TTN: variants seen among roughly 807,000 people sequenced by gnomAD.
TTN encodes the protein titin.
A neutral mutation model predicts 3,223.0 loss-of-function variants in TTN; 1,525 were observed. The ratio of observed to expected loss-of-function variants is 0.47; its 90% CI spans 0.45 to 0.49. The LOEUF (loss-of-function observed/expected upper bound fraction) is 0.49. Among genes scored for constraint, TTN ranks in the 20% least tolerant of loss-of-function variants. The probability of loss-of-function intolerance (pLI) is 0.00; values close to 1 mark genes in which losing one functional copy is unlikely to be tolerated. For synonymous variants in TTN, 14,094 were observed against 15,161.0 expected (o/e 0.93, Z 5.17); for missense variants, 40,786 against 43,424.0 (o/e 0.94, Z 5.40).
In TTN at chr2:178,712,178, C is replaced by A. The variant is rs746558975; in HGVS notation, c.27652G>T (p.Val9218Phe). ...VKQLEPVKVS[V>F]GDSASLQCQL... ...CATTGTAGAGAGGCAGAATCTCCAACAGACACCTTAACCGGCTCCAACTGC... is the reference window on the plus strand; with the variant it reads ...CATTGTAGAGAGGCAGAATCTCCAAAAGACACCTTAACCGGCTCCAACTGC... Residue 9218 changes from valine (V) to phenylalanine (F), a missense_variant, in exon 96 of 363, where the codon GTT (valine) becomes TTT (phenylalanine). Transcript: ENST00000589042. The A allele has an allele frequency of 2.9e-5, 46 of 1,613,642 alleles. No individual in the cohort carries two copies. The highest frequency in any genetic ancestry group is 3.3e-4 in the Middle Eastern group (2 of 6,080).
At position 178,702,439 on chromosome 2, in the gene TTN, T is replaced by A. The variant is rs371872220; in HGVS notation, c.30433+15A>T. 540 of 1,613,372 alleles carry A rather than the reference T, an allele frequency of 3.3e-4. No homozygotes were observed. The highest frequency in any genetic ancestry group is 4.3e-4 in the Non-Finnish European group (508 of 1,179,712). ...TTAAATTATACATTCACTGGAAAAC[T>A]GTCAATGAAATCACCTTCATCGTCT... On this transcript the variant is annotated intron_variant, in intron 107 of 362. Transcript: ENST00000589042.
In TTN at chr2:178,746,554, T is replaced by C. The variant is rs141372981; in HGVS notation, c.11312-4633A>G. ...CATGCTGATGTGTTACTGGAGGTGG[T>C]AGTGCCACCACTCTTTCTTCCTGGG... On this transcript the variant is annotated intron_variant, in intron 47 of 362. Transcript: ENST00000589042. 48 of 1,613,100 alleles carry C rather than the reference T, an allele frequency of 3.0e-5. No individual in the cohort carries two copies. In the African/African-American group the frequency reaches 5.7e-4, roughly 19 times the overall value.
chr2:178,582,623 T>C (rs568068190), intron 313 of TTN, 31 bp from the exon 314 acceptor site: 2 of 1,571,346 alleles, frequency 1.3e-6, no homozygotes, highest in Non-Finnish European at 1.7e-6. Flanking sequence ...AGTGAATATG[T>C]GGAATGGGGA....
intron 354 of TTN, 83 bp downstream of exon 354, chr2:178,538,457 A>G: frequency 7.5e-7 from 1 of 1,338,084 alleles, no homozygotes; most frequent in Non-Finnish European, 1.0e-6. Flanking sequence ...AAAGCTTTCC[A>G]GGGTTCTACT....
chr2:178,740,454 G>T lies in TTN; in HGVS notation c.12779C>A (p.Ala4260Glu). The change falls in exon 48 of 363, where the codon GCG (alanine) becomes GAG (glutamate). Residue 4260 changes from alanine (A) to glutamate (E), a missense_variant. By Grantham distance (107) the Ala-to-Glu change is moderately radical. Coordinates refer to ENST00000589042, the MANE Select transcript of TTN (RefSeq NM_001267550.2). ...VTLQKQEAQS[A>E]LILSQSLAEG... ...AGCTAAGCTCTGACTCAAGATGAGC[G>T]CACTTTGTGCCTCTTGCTTTTGAAG... 6.2e-7 allele frequency: 1 copy of T among 1,613,542 alleles called. No individual in the cohort carries two copies. The highest frequency in any genetic ancestry group is 8.5e-7 in the Non-Finnish European group (1 of 1,179,700).
At chr2:178,766,698 T>A in intron 40 of TTN, 86 bp from the exon 41 acceptor site, 1 of 1,043,478 alleles carries the variant, frequency 9.6e-7, no homozygotes, top group Non-Finnish European at 1.5e-6. Flanking sequence ...TTTCTAAAAC[T>A]GGTCAATGAA....
At position 178,573,313 on chromosome 2, in the gene TTN, G is replaced by A. The variant is rs575014550; in HGVS notation, c.72819C>T (p.Asn24273=). Reference sequence around the variant, plus strand: ...ATCTTAAATCAGTAAGAGTTTTTTTGTTGCATTTAATCCAGCGTTGGCCAG... The same window carrying A: ...ATCTTAAATCAGTAAGAGTTTTTTTATTGCATTTAATCCAGCGTTGGCCAG... ...DKAGQRWIKC[N]KKTLTDLRYK... The change falls in exon 326 of 363, where the codon AAC becomes AAT. Residue 24273 remains asparagine, a synonymous_variant. Coordinates refer to ENST00000589042, the MANE Select transcript of TTN (RefSeq NM_001267550.2). The A allele has an allele frequency of 7.0e-6, 11 of 1,572,024 alleles. No individual in the cohort carries two copies. In the South Asian group the frequency reaches 9.6e-5, roughly 14 times the overall value.
Position 178,694,659 on chromosome 2 carries a change from T to C in TTN, c.31366A>G (p.Lys10456Glu), listed in dbSNP as rs777212806. 6.4e-7 allele frequency: 1 copy of C among 1,554,828 alleles called. No homozygotes were observed. Among genetic ancestry groups the C allele is most frequent in the South Asian group, 1.2e-5 (1 of 83,362 alleles). ...CGGGAAGGTTTTTGTGGAACAATCT[T>C]CTTTGAAACTTCAGGTACTTTAAAA... ...QVTKVPEVSK[K>E]IVPQKPSRTP... Residue 10456 changes from lysine (K) to glutamate (E), a missense_variant, in exon 117 of 363, where the codon AAG becomes GAG. Lys to Glu is a moderately conservative substitution (Grantham distance 56, BLOSUM62 1). Coordinates refer to ENST00000589042, the MANE Select transcript of TTN (RefSeq NM_001267550.2).
At chr2:178,721,301 T>C in intron 78 of TTN, 99 bp from the exon 79 acceptor site, 1 of 1,070,064 alleles carries the variant, frequency 9.3e-7, no homozygotes. Flanking sequence ...ATATTTAAAC[T>C]GGTTTGTTAT....
rs576067412 is a variant in TTN at position 178,570,111 on chromosome 2, G to C, written c.76021C>G (p.Leu25341Val). Residue 25341 changes from leucine to valine, a missense_variant, in exon 326 of 363, where the codon CTT becomes GTT. By Grantham distance (32) the Leu-to-Val change is conservative. Coordinates refer to ENST00000589042, the MANE Select transcript of TTN (RefSeq NM_001267550.2). The part of the protein sequence containing the change: ...DGGSEILGYV[L>V]EKRDKEGIRW... ...ATGCCTTCTTTATCCCGTTTCTCAA[G>C]AACATATCCAAGAATTTCACTACCA... 1.2e-6 allele frequency: 2 copies of C among 1,613,364 alleles called. No homozygotes were observed. Among genetic ancestry groups the C allele is most frequent in the African/African-American group, 2.7e-5 (2 of 74,946 alleles).
At position 178,574,761 on chromosome 2, in the gene TTN, G is replaced by T. The variant is rs765419522; in HGVS notation, c.71371C>A (p.Leu23791Ile). 3.1e-6 allele frequency: 5 copies of T among 1,612,546 alleles called. No homozygotes were observed. Among genetic ancestry groups the T allele is most frequent in the Non-Finnish European group, 4.2e-6 (5 of 1,179,100 alleles). The part of the protein sequence containing the change: ...VIRTTYKATR[L>I]TTGLEYQFRV... ...AACTGATACTCTAATCCAGTAGTAA[G>T]GCGGGTGGCTTTATAGGTAGTACGT... Residue 23791 changes from leucine (L) to isoleucine (I), a missense_variant, in exon 326 of 363, where the codon CTT (leucine) becomes ATT (isoleucine). Leu to Ile is a conservative substitution (Grantham distance 5, BLOSUM62 2). Transcript: ENST00000589042.
Position 178,593,013 on chromosome 2 carries a change from C to T in TTN, c.59106G>A (p.Gln19702=), listed in dbSNP as rs1380151837. ...TTCNSVDLTW[Q]PPRHDGGSKI... is the part of the protein sequence containing the mutation. ...TGCTCCCACCATCATGACGTGGTGGCTGCCAAGTTAGATCGACTGAATTGC... is the reference window on the plus strand; with the variant it reads ...TGCTCCCACCATCATGACGTGGTGGTTGCCAAGTTAGATCGACTGAATTGC... Residue 19702 remains glutamine (Q), a synonymous_variant, in exon 300 of 363, where the codon CAG becomes CAA. Transcript: ENST00000589042. The T allele has an allele frequency of 2.5e-6, 4 of 1,613,468 alleles. 1 individual carries two copies. The South Asian group carries it at 4.4e-5, about 18-fold the overall frequency.
At chr2:178,685,364 G>A (rs780909631) in intron 128 of TTN, 34 bp from the exon 129 acceptor site, 79 of 1,521,514 alleles carry the variant, frequency 5.2e-5, no homozygotes, top group Middle Eastern at 1.7e-4. Flanking sequence ...TTGTAGAAAT[G>A]TCTAGATTTC....
Position 178,621,674 on chromosome 2 carries a change from C to G in TTN, c.45150G>C (p.Leu15050=). Residue 15050 remains leucine, a synonymous_variant, in exon 245 of 363, where the codon CTG becomes CTC. Transcript: ENST00000589042. ...IEVSETDTIK[L]VCEVSKPGAE... is the part of the protein sequence containing the mutation. ...CGCCAGGTTTGGAGACTTCACAAAC[C>G]AGTTTTATAGTGTCTGTTTCACTAA... The G allele has an allele frequency of 6.2e-7, 1 of 1,612,170 alleles. No homozygotes were observed. The highest frequency in any genetic ancestry group is 8.5e-7 in the Non-Finnish European group (1 of 1,179,010).
rs2063332620 is a variant in TTN, at chr2:178,652,885, C to G, written c.38922G>C (p.Leu12974Phe). ...IEVVPEKKMP[L>F]APPKKPEVPP... ...GGACTTCAGGCTTTTTAGGAGGAGC[C>G]AAGGGCATTTTCTTTTCAGGAACAA... Residue 12974 changes from leucine to phenylalanine, a missense_variant, in exon 200 of 363, where the codon TTG (leucine) becomes TTC (phenylalanine). By Grantham distance (22) the Leu-to-Phe change is conservative (BLOSUM62 0). Transcript: ENST00000589042. 6.2e-7 allele frequency: 1 copy of G among 1,611,050 alleles called. No individual in the cohort carries two copies. The highest frequency in any genetic ancestry group is 1.3e-5 in the African/African-American group (1 of 74,520).
chr2:178,713,252 T>G lies in TTN; in HGVS notation c.26882A>C (p.His8961Pro). 1 of 1,612,866 alleles carries G rather than the reference T, an allele frequency of 6.2e-7. No individual in the cohort carries two copies. Among genetic ancestry groups the G allele is most frequent in the Non-Finnish European group, 8.5e-7 (1 of 1,179,296 alleles). The stretch of plus-strand genomic sequence containing the variant: ...TCCACTACTGATCTCATTTCCTTCA[T>G]GGAACCAGGAGACAGAGATTGGAGG... ...GSPPISVSWF[H>P]EGNEISSGRK... The change falls in exon 93 of 363, where the codon CAT (histidine) becomes CCT (proline). Residue 8961 changes from histidine (H) to proline (P), a missense_variant. Coordinates refer to ENST00000589042, the MANE Select transcript of TTN (RefSeq NM_001267550.2).
chr2:178,530,259 G>C lies in TTN; in HGVS notation c.106356C>G (p.Ile35452Met). The change falls in exon 358 of 363, where the codon ATC (isoleucine) becomes ATG (methionine). Residue 35452 changes from isoleucine (I) to methionine (M), a missense_variant. By Grantham distance (10) the Ile-to-Met change is conservative. Coordinates refer to ENST00000589042, the MANE Select transcript of TTN (RefSeq NM_001267550.2). ...TGGTTACCTTTCCATCTTTTGTCCA[G>C]ATGGCAGTTGGCCGGGGTTCTCCAG... The part of the protein sequence containing the change: ...KATGEPRPTA[I>M]WTKDGKAITQ... The C allele has an allele frequency of 6.2e-7, 1 of 1,604,148 alleles. No homozygotes were observed. Among genetic ancestry groups the C allele is most frequent in the South Asian group, 1.1e-5 (1 of 89,456 alleles).
Position 178,621,685 on chromosome 2 carries a change from T to G in TTN, c.45139A>C (p.Thr15047Pro), listed in dbSNP as rs764583221. ...GAGACTTCACAAACCAGTTTTATAG[T>G]GTCTGTTTCACTAACTTCAATGTTG... Reference protein sequence around the residue: ...LANIEVSETDTIKLVCEVSKP... With the variant: ...LANIEVSETDPIKLVCEVSKP... The change falls in exon 245 of 363, where the codon ACT (threonine) becomes CCT (proline). Residue 15047 changes from threonine to proline, a missense_variant. Coordinates refer to ENST00000589042, the MANE Select transcript of TTN (RefSeq NM_001267550.2). 6.2e-7 allele frequency: 1 copy of G among 1,612,192 alleles called. No individual in the cohort carries two copies. Among genetic ancestry groups the G allele is most frequent in the Admixed American group, 1.7e-5 (1 of 59,822 alleles).
rs1293308234 is a variant in TTN, at chr2:178,731,969, A to T, written c.16906T>A (p.Ser5636Thr). The change falls in exon 58 of 363, where the codon TCA (serine) becomes ACA (threonine). Residue 5636 changes from serine to threonine, a missense_variant and splice_region_variant. Physicochemically the swap from Ser to Thr is moderately conservative, Grantham distance 58 (BLOSUM62 1). Transcript: ENST00000589042. ...TTAAATTCCTTGGTAAAATAAGGTG[A>T]CTCTACAGTAAAAAAGGAATGATTT... ...HCSSIVIVKE[S>T]PYFTKEFKPI... 6.2e-7 allele frequency: 1 copy of T among 1,601,958 alleles called. No individual in the cohort carries two copies. Among genetic ancestry groups the T allele is most frequent in the East Asian group, 2.2e-5 (1 of 44,614 alleles).
Sources: allele counts gnomAD v4.1 joint callset, GRCh38; gene constraint gnomAD v4.1.1; transcripts MANE v1.5; gene names NCBI Gene and HGNC (gene_info 2026-07-23, HGNC 2026-07-21).